GTF2H1: variants seen among roughly 807,000 people sequenced by gnomAD.
GTF2H1 encodes the protein general transcription factor IIH subunit 1.
A neutral mutation model predicts 71.2 loss-of-function variants in GTF2H1; 16 were observed. The ratio of observed to expected loss-of-function variants is 0.22; its 90% CI spans 0.15 to 0.34. GTF2H1 has a LOEUF of 0.34. Among genes scored for constraint, GTF2H1 ranks in the 10% least tolerant of loss-of-function variants. The pLI, the probability that GTF2H1 is intolerant of heterozygous loss-of-function variation, is 1.00. For synonymous variants in GTF2H1, 215 were observed against 219.0 expected (o/e 0.98, Z 0.16); for missense variants, 498 against 648.2 (o/e 0.77, Z 2.52).
intron 5 of GTF2H1, 84 bp from the exon 6 acceptor site, chr11:18,341,177 T>G: frequency 2.0e-6 from 2 of 988,756 alleles, no homozygotes; most frequent in East Asian, 5.0e-5. Flanking sequence ...GTCTAGATTT[T>G]GCTATTTGTA....
chr11:18,325,485 C>G (rs1864740684), intron 1 of GTF2H1, among the ~76,000 whole-genome samples: 1 of 152,190 alleles, frequency 6.6e-6, no homozygotes, highest in African/African-American at 2.4e-5. Flanking sequence ...TTCTTATAGG[C>G]CAAACACTAT....
At chr11:18,331,704 G>T (rs1320966120) in intron 1 of GTF2H1, among the ~76,000 whole-genome samples, 1 of 151,368 alleles carries the variant, frequency 6.6e-6, no homozygotes, top group Non-Finnish European at 1.5e-5. Flanking sequence ...GTTTTTTGGG[G>T]GTTTTTTTTT....
intron 11 of GTF2H1, among the ~76,000 whole-genome samples, chr11:18,356,789 T>C (rs1398487382): frequency 4.0e-4 from 5 of 12,396 alleles, no homozygotes; most frequent in Non-Finnish European, 5.9e-4. Flanking sequence ...CAATCTTTGT[T>C]TTTTTTTTTT....
At chr11:18,343,479 A>G (rs1234608466) in intron 7 of GTF2H1, among the ~76,000 whole-genome samples, 1 of 151,770 alleles carries the variant, frequency 6.6e-6, no homozygotes, top group African/African-American at 2.4e-5. Context: ...TTCCTTCTCA[A>G]TCTTCTGGTT....
intron 4 of GTF2H1, among the ~76,000 whole-genome samples, chr11:18,338,912 A>G (rs1311906530): frequency 2.0e-5 from 3 of 152,206 alleles, no homozygotes; most frequent in African/African-American, 7.2e-5. Context: ...ACTTTTTCAA[A>G]TATTTTCAAA....
intron 1 of GTF2H1, chr11:18,325,837 G>C (rs1404404272): frequency 6.6e-6 from 1 of 152,218 alleles, no homozygotes. Flanking sequence ...GGAAGTCTTA[G>C]ACCATTTCAT....
At chr11:18,347,535 A>C in intron 7 of GTF2H1, 53 bp from the exon 8 acceptor site, 1 of 1,374,588 alleles carries the variant, frequency 7.3e-7, no homozygotes, top group African/African-American at 1.5e-5. Flanking sequence ...CGTGTCTTAT[A>C]ATAAGAAAAG....
At chr11:18,345,345 A>G (rs1865265714) in intron 7 of GTF2H1, among the ~76,000 whole-genome samples, 1 of 152,052 alleles carries the variant, frequency 6.6e-6, no homozygotes. Context: ...TATTGTGTTT[A>G]CCTTGTTTTA....
At chr11:18,352,647 A>G (rs4150649) in intron 11 of GTF2H1, among the ~76,000 whole-genome samples, 6,852 of 152,154 alleles carry the variant, frequency 0.045, 452 homozygotes, top group African/African-American at 0.14. Flanking sequence ...GATGATAATG[A>G]AAAAAAATAA....
intron 7 of GTF2H1, among the ~76,000 whole-genome samples, chr11:18,345,701 C>T (rs548558759): frequency 6.6e-6 from 1 of 151,956 alleles, no homozygotes; most frequent in South Asian, 2.1e-4. Context: ...CACGACCAGA[C>T]TGGTCTTGAA....
intron 2 of GTF2H1, among the ~76,000 whole-genome samples, chr11:18,333,956 C>T (rs1864962446): frequency 6.6e-6 from 1 of 152,160 alleles, no homozygotes; most frequent in Non-Finnish European, 1.5e-5. Flanking sequence ...AAATTTCAGG[C>T]ATGGGCTAGG....
At chr11:18,341,455 C>G (rs773116233) in intron 6 of GTF2H1, 45 bp downstream of exon 6, 3 of 1,608,640 alleles carry the variant, frequency 1.9e-6, no homozygotes, top group South Asian at 1.1e-5. Flanking sequence ...ACTTGCCACC[C>G]TCTAGACATT....
chr11:18,344,026 A>G (rs575780773), intron 7 of GTF2H1, among the ~76,000 whole-genome samples: 21 of 152,104 alleles, frequency 1.4e-4, no homozygotes, highest in South Asian at 1.0e-3. Context: ...GGGTCTCCCT[A>G]TATTTCCCAG....
chr11:18,352,366 T>C lies in GTF2H1; in HGVS notation c.1180T>C (p.Tyr394His). ...HGPTPIQSLQ[Y>H]ATSQDIINSF... Reference sequence around the variant, plus strand: ...TCCAACTCCAATCCAGTCACTACAGTATGCAACAAGTCAGGACATTATTAA... The same window carrying C: ...TCCAACTCCAATCCAGTCACTACAGCATGCAACAAGTCAGGACATTATTAA... The change falls in exon 11 of 15, where the codon TAT (tyrosine) becomes CAT (histidine). Residue 394 changes from tyrosine (Y) to histidine (H), a missense_variant. Coordinates refer to ENST00000265963, the MANE Select transcript of GTF2H1 (RefSeq NM_005316.4). 1 of 1,577,218 alleles carries C rather than the reference T, an allele frequency of 6.3e-7. No individual in the cohort carries two copies.
chr11:18,362,834 C>T (rs1865736386), intron 14 of GTF2H1, among the ~76,000 whole-genome samples: 1 of 151,698 alleles, frequency 6.6e-6, no homozygotes, highest in East Asian at 1.9e-4. Flanking sequence ...CCACGCCCAG[C>T]TAATTTTTGT....
intron 1 of GTF2H1, 117 bp from the exon 2 acceptor site, chr11:18,332,943 C>T: frequency 1.0e-5 from 6 of 582,624 alleles, no homozygotes; most frequent in Non-Finnish European, 1.7e-5. Flanking sequence ...TTTCTTCTTC[C>T]CCGTTAATTT....
intron 1 of GTF2H1, among the ~76,000 whole-genome samples, chr11:18,329,725 A>G (rs1039073900): frequency 1.3e-5 from 2 of 152,150 alleles, no homozygotes; most frequent in African/African-American, 2.4e-5. Flanking sequence ...GCCCCAAACT[A>G]TTTCCTTTGC....
At chr11:18,360,867 T>TGA in intron 14 of GTF2H1, 160 bp downstream of exon 14, 14 of 518,438 alleles carry the variant, frequency 2.7e-5, no homozygotes, top group Non-Finnish European at 4.7e-5. Context: ...GTACAGTGGC[T>TGA]CCATCTCAGC....
At chr11:18,349,746 A>G (rs1865383761) in intron 9 of GTF2H1, among the ~76,000 whole-genome samples, 1 of 152,226 alleles carries the variant, frequency 6.6e-6, no homozygotes, top group Admixed American at 6.5e-5. Context: ...ATGCTTCTCG[A>G]CTTAAATGGG....
Sources: gnomAD v4.1 joint callset for allele counts (sites outside exome capture counted in the v4.1 genomes callset) on GRCh38, gnomAD v4.1.1 for gene constraint, MANE v1.5 for transcripts, NCBI Gene and HGNC (gene_info 2026-07-23, HGNC 2026-07-21) for gene names.